Variants in XIRP2 observed in about 807,000 individuals in gnomAD.
XIRP2 encodes the protein xin actin binding repeat containing 2.
A neutral mutation model predicts 277.0 loss-of-function variants in XIRP2; 236 were observed. The ratio of observed to expected loss-of-function variants is 0.85; its 90% CI spans 0.77 to 0.95. XIRP2 has a LOEUF of 0.95. XIRP2 is among the 40% of genes least tolerant of loss of function. The probability of loss-of-function intolerance (pLI) is 0.00; values close to 1 mark genes in which losing one functional copy is unlikely to be tolerated. For missense variants in XIRP2, 4,640 were observed against 4,157.5 expected (o/e 1.12, Z -3.19); for synonymous variants, 1,490 against 1,416.5 (o/e 1.05, Z -1.17).
At position 167,244,080 on chromosome 2, in the gene XIRP2, T is replaced by C; in HGVS notation, c.2688T>C (p.Leu896=). Reference sequence around the variant, plus strand: ...AAGACAGTCCTGATATAGGAAAGCTTCAAAAAATCACTGCCTCTGAAGAAG... The same window carrying C: ...AAGACAGTCCTGATATAGGAAAGCTCCAAAAAATCACTGCCTCTGAAGAAG... ...ALKDSPDIGK[L]QKITASEEEK... Residue 896 remains leucine, a synonymous_variant, in exon 9 of 11, where the codon CTT becomes CTC. Coordinates refer to ENST00000409195, the MANE Select transcript of XIRP2 (RefSeq NM_152381.6). 7 of 1,613,750 alleles carry C rather than the reference T, an allele frequency of 4.3e-6. No homozygotes were observed. Among genetic ancestry groups the C allele is most frequent in the Non-Finnish European group, 5.9e-6 (7 of 1,179,892 alleles).
At chr2:166,976,393 C>G (rs539485958) in intron 2 of XIRP2, among the ~76,000 whole-genome samples, 2 of 152,156 alleles carry the variant, frequency 1.3e-5, no homozygotes, top group Non-Finnish European at 2.9e-5. Context: ...TGCTTTGCTA[C>G]TTTTTTACTT....
At chr2:166,940,861 G>C (rs1685689351) in intron 2 of XIRP2, among the ~76,000 whole-genome samples, 1 of 152,170 alleles carries the variant, frequency 6.6e-6, no homozygotes. Flanking sequence ...CCCCTACTTG[G>C]GGGTGCCTCC....
At chr2:167,101,075 A>T (rs2105285993) in intron 2 of XIRP2, among the ~76,000 whole-genome samples, 1 of 152,298 alleles carries the variant, frequency 6.6e-6, no homozygotes, top group African/African-American at 2.4e-5. Flanking sequence ...TGTAAGCCTG[A>T]GAATTACCTT....
chr2:167,151,313 A>G (rs551449502), intron 3 of XIRP2, among the ~76,000 whole-genome samples: 1 of 152,244 alleles, frequency 6.6e-6, no homozygotes, highest in Non-Finnish European at 1.5e-5. Context: ...CTGAATTCCT[A>G]TTGAGGCCAG....
chr2:166,982,504 A>G (rs1251113699), intron 2 of XIRP2, among the ~76,000 whole-genome samples: 2 of 151,934 alleles, frequency 1.3e-5, no homozygotes, highest in Non-Finnish European at 2.9e-5. Context: ...CCCAGGGAAG[A>G]CTAGACCTCT....
chr2:166,947,362 A>G (rs1685903554), intron 2 of XIRP2, among the ~76,000 whole-genome samples: 1 of 152,178 alleles, frequency 6.6e-6, no homozygotes. Flanking sequence ...TCAATTCTTT[A>G]GGGAGCACTT....
At chr2:167,127,993 G>A (rs1691257840) in intron 2 of XIRP2, among the ~76,000 whole-genome samples, 1 of 152,178 alleles carries the variant, frequency 6.6e-6, no homozygotes, top group South Asian at 2.1e-4. Flanking sequence ...CATTCTTTGT[G>A]GTCAGTCCGG....
rs780923990 is a variant in XIRP2 at position 167,245,715 on chromosome 2, C to A, written c.4323C>A (p.Val1441=). 1.2e-6 allele frequency: 2 copies of A among 1,613,462 alleles called. No homozygotes were observed. The highest frequency in any genetic ancestry group is 1.7e-5 in the Admixed American group (1 of 59,946). Residue 1441 remains valine, a synonymous_variant, in exon 9 of 11, where the codon GTC becomes GTA. Transcript: ENST00000409195. ...ATAACTATATACGAACAGTAAGTGTCAATGAAATACAAAAGGGCAATGTTA... is the reference window on the plus strand; with the variant it reads ...ATAACTATATACGAACAGTAAGTGTAAATGAAATACAAAAGGGCAATGTTA... The part of the protein sequence containing the change: ...DKNNYIRTVS[V]NEIQKGNVKT...
rs748089931 is a variant in XIRP2 at position 167,247,893 on chromosome 2, A to G, written c.6501A>G (p.Pro2167=). 4 of 1,613,568 alleles carry G rather than the reference A, an allele frequency of 2.5e-6. No homozygotes were observed. Among genetic ancestry groups the G allele is most frequent in the Non-Finnish European group, 3.4e-6 (4 of 1,179,768 alleles). The change falls in exon 9 of 11, where the codon CCA becomes CCG. Residue 2167 remains proline, a synonymous_variant. Coordinates refer to ENST00000409195, the MANE Select transcript of XIRP2 (RefSeq NM_152381.6). ...QSSKPSPTQH[P]VSMPVGGTYD... is the part of the protein sequence containing the mutation. ...CCAAGCCCAGTCCCACCCAGCATCC[A>G]GTCAGCATGCCAGTTGGAGGAACTT...
intron 2 of XIRP2, among the ~76,000 whole-genome samples, chr2:167,091,361 G>C (rs896727383): frequency 2.0e-5 from 3 of 152,024 alleles, no homozygotes; most frequent in African/African-American, 7.3e-5. Context: ...TGTCCCTTAT[G>C]CACTTATCCG....
intron 2 of XIRP2, among the ~76,000 whole-genome samples, chr2:167,033,624 A>T (rs1236345874): frequency 6.6e-6 from 1 of 152,076 alleles, no homozygotes; most frequent in Non-Finnish European, 1.5e-5. Context: ...GTACAACAAG[A>T]GAAAACAAAA....
intron 9 of XIRP2, among the ~76,000 whole-genome samples, chr2:167,252,831 A>G (rs926757404): frequency 2.6e-5 from 4 of 151,974 alleles, no homozygotes; most frequent in Admixed American, 1.3e-4. Context: ...TGCTGAAACT[A>G]ATAATTATGC....
intron 2 of XIRP2, among the ~76,000 whole-genome samples, chr2:166,942,030 A>G (rs1246411125): frequency 1.3e-5 from 2 of 152,222 alleles, no homozygotes; most frequent in Non-Finnish European, 2.9e-5. Context: ...GCCATTTTCC[A>G]GAATAATATA....
intron 2 of XIRP2, 155 bp from the exon 3 acceptor site, chr2:167,135,754 G>A (rs1178847098): frequency 2.1e-5 from 14 of 661,040 alleles, no homozygotes; most frequent in Non-Finnish European, 3.0e-5. Flanking sequence ...GCAGTTCTTG[G>A]CAAAGTTATC....
intron 3 of XIRP2, among the ~76,000 whole-genome samples, chr2:167,194,494 A>G (rs191376138): frequency 5.8e-4 from 89 of 152,226 alleles, no homozygotes; most frequent in African/African-American, 1.9e-3. Flanking sequence ...TATTAATGAC[A>G]TCTGAACTAT....
chr2:167,024,380 G>A (rs7589858), intron 2 of XIRP2, among the ~76,000 whole-genome samples: 64,872 of 151,450 alleles, frequency 0.43, 16,634 homozygotes, highest in East Asian at 0.82. Flanking sequence ...TTCTAGATAT[G>A]CAATCATGTC....
intron 2 of XIRP2, among the ~76,000 whole-genome samples, chr2:166,996,672 T>A (rs1687229612): frequency 6.6e-6 from 1 of 152,104 alleles, no homozygotes; most frequent in Non-Finnish European, 1.5e-5. Flanking sequence ...TTGGCATTTT[T>A]TCAGTATGTT....
At chr2:166,965,564 GT>G (rs1383189665) in intron 2 of XIRP2, among the ~76,000 whole-genome samples, 1 of 151,580 alleles carries the variant, frequency 6.6e-6, no homozygotes, top group Non-Finnish European at 1.5e-5. Flanking sequence ...TTCTAAATTT[GT>G]TTTTTTGTGT....
intron 3 of XIRP2, among the ~76,000 whole-genome samples, chr2:167,189,708 T>C (rs539361624): frequency 6.6e-6 from 1 of 152,266 alleles, no homozygotes; most frequent in East Asian, 1.9e-4. Context: ...TATTATCGGT[T>C]TTCTGACACT....
Sources: gnomAD v4.1 joint callset for allele counts (sites outside exome capture counted in the v4.1 genomes callset) on GRCh38, gnomAD v4.1.1 for gene constraint, MANE v1.5 for transcripts, NCBI Gene and HGNC (gene_info 2026-07-23, HGNC 2026-07-21) for gene names.